Variants in TMEFF1 observed in about 807,000 individuals in gnomAD.
TMEFF1 encodes tomoregulin-1.
TMEFF1 carries 20 observed loss-of-function variants against 47.5 expected under a neutral mutation model. The observed-to-expected ratio is 0.42, with a 90% CI of 0.30 to 0.61. The LOEUF is 0.61. Ranked by LOEUF, TMEFF1 falls within the 20% of genes least tolerant of loss-of-function variation. The pLI is 0.19. For synonymous variants in TMEFF1, 162 were observed against 166.3 expected (o/e 0.97, Z 0.20); for missense variants, 411 against 471.1 (o/e 0.87, Z 1.18).
chr9:100,526,125 A>G (rs1197226280), intron 5 of TMEFF1, among the ~76,000 whole-genome samples: 2 of 152,190 alleles, frequency 1.3e-5, no homozygotes, highest in African/African-American at 4.8e-5. Flanking sequence ...CTGTGAGACA[A>G]ATTTCCCTGA....
intron 9 of TMEFF1, among the ~76,000 whole-genome samples, chr9:100,574,347 A>G (rs1255051398): frequency 6.6e-6 from 1 of 152,150 alleles, no homozygotes; most frequent in Non-Finnish European, 1.5e-5. Flanking sequence ...AGGCAGAAGG[A>G]AAATTAAGGT....
intron 5 of TMEFF1, among the ~76,000 whole-genome samples, chr9:100,540,113 C>A (rs1838601066): frequency 1.3e-5 from 2 of 151,646 alleles, no homozygotes; most frequent in South Asian, 4.2e-4. Flanking sequence ...GTCACCTACC[C>A]CATTAGCTAG....
chr9:100,548,991 CTA>C (rs773969623), intron 6 of TMEFF1, among the ~76,000 whole-genome samples: 6 of 152,130 alleles, frequency 3.9e-5, no homozygotes, highest in Non-Finnish European at 8.8e-5. Flanking sequence ...TAGAGAAGGA[CTA>C]TGTTCTCTGA....
intron 5 of TMEFF1, among the ~76,000 whole-genome samples, chr9:100,527,983 T>C (rs949058914): frequency 3.9e-5 from 6 of 152,056 alleles, no homozygotes; most frequent in African/African-American, 7.2e-5. Flanking sequence ...AGGGGCACAC[T>C]GACACCTCAC....
intron 7 of TMEFF1, among the ~76,000 whole-genome samples, chr9:100,555,686 T>C (rs1197374686): frequency 6.6e-6 from 1 of 152,236 alleles, no homozygotes; most frequent in Admixed American, 6.5e-5. Flanking sequence ...TTAATACTTT[T>C]GTTTCCTAGT....
intron 1 of TMEFF1, among the ~76,000 whole-genome samples, chr9:100,494,188 C>T (rs1332886875): frequency 9.1e-6 from 1 of 109,960 alleles, no homozygotes; most frequent in African/African-American, 3.6e-5. Context: ...GCCTGGGAAA[C>T]AGAGTGAGAC....
At position 100,576,526 on chromosome 9, in the gene TMEFF1, A is replaced by C. The variant is rs139218600; in HGVS notation, c.1069A>C (p.Lys357Gln). Reference sequence around the variant, plus strand: ...TTTTTAATGCAACAGAAAATGCCCCAAAAACAATAGAGGACGTCGACAGAA... The same window carrying C: ...TTTTTAATGCAACAGAAAATGCCCCCAAAACAATAGAGGACGTCGACAGAA... ...IVMCITRKCP[K>Q]NNRGRRQKQN... Residue 357 changes from lysine to glutamine, a missense_variant, in exon 10 of 10, where the codon AAA becomes CAA. Physicochemically the swap from Lys to Gln is moderately conservative, Grantham distance 53. Coordinates refer to ENST00000374879, the MANE Select transcript of TMEFF1 (RefSeq NM_003692.5). The C allele has an allele frequency of 1.6e-4, 252 of 1,609,928 alleles. No homozygotes were observed. The highest frequency in any genetic ancestry group is 1.9e-4 in the Non-Finnish European group (225 of 1,178,856).
At chr9:100,535,780 C>T (rs753547475) in intron 5 of TMEFF1, among the ~76,000 whole-genome samples, 1 of 152,118 alleles carries the variant, frequency 6.6e-6, no homozygotes, top group African/African-American at 2.4e-5. Context: ...CAAAACAAAA[C>T]TAAACTAACA....
chr9:100,561,260 C>T, intron 7 of TMEFF1, 137 bp from the exon 8 acceptor site: 2 of 1,436,432 alleles, frequency 1.4e-6, no homozygotes, highest in Non-Finnish European at 1.9e-6. Flanking sequence ...AACCCCCTAT[C>T]TGATAAATTT....
intron 9 of TMEFF1, among the ~76,000 whole-genome samples, chr9:100,574,883 G>A (rs566017384): frequency 3.3e-5 from 5 of 152,278 alleles, no homozygotes; most frequent in Admixed American, 3.3e-4. Context: ...CTGGCAGGCA[G>A]TTTTGAAGTA....
chr9:100,526,068 T>C (rs1376758143), intron 5 of TMEFF1, among the ~76,000 whole-genome samples: 1 of 152,248 alleles, frequency 6.6e-6, no homozygotes, highest in Non-Finnish European at 1.5e-5. Flanking sequence ...GTATTTTTAT[T>C]CCACACCTAA....
At chr9:100,539,622 C>G (rs1040974982) in intron 5 of TMEFF1, among the ~76,000 whole-genome samples, 3 of 152,108 alleles carry the variant, frequency 2.0e-5, no homozygotes, top group African/African-American at 7.2e-5. Context: ...CAGACCTTCG[C>G]GGTGAGTGTT....
chr9:100,488,271 C>T (rs1837487566), intron 1 of TMEFF1, among the ~76,000 whole-genome samples: 1 of 152,038 alleles, frequency 6.6e-6, no homozygotes, highest in Non-Finnish European at 1.5e-5. Flanking sequence ...CATATCACTA[C>T]ATGTGTTTCT....
intron 2 of TMEFF1, among the ~76,000 whole-genome samples, chr9:100,507,701 T>G (rs1229269584): frequency 6.6e-6 from 1 of 152,222 alleles, no homozygotes; most frequent in Non-Finnish European, 1.5e-5. Context: ...TGGAATTATT[T>G]GCCTTTTGCT....
At chr9:100,486,066 G>A (rs1341654844) in intron 1 of TMEFF1, among the ~76,000 whole-genome samples, 1 of 147,140 alleles carries the variant, frequency 6.8e-6, no homozygotes, top group African/African-American at 2.5e-5. Flanking sequence ...AATATTCTGA[G>A]TCTGTCTTTT....
chr9:100,527,121 C>T (rs565257142), intron 5 of TMEFF1, among the ~76,000 whole-genome samples: 5 of 151,210 alleles, frequency 3.3e-5, no homozygotes, highest in African/African-American at 9.7e-5. Context: ...CCAGCCTGGG[C>T]GACAGAGTGA....
chr9:100,481,516 G>T (rs1837337753), intron 1 of TMEFF1, among the ~76,000 whole-genome samples: 1 of 152,208 alleles, frequency 6.6e-6, no homozygotes, highest in Admixed American at 6.5e-5. Flanking sequence ...AAATTGCGGG[G>T]ATTAAGGCAG....
intron 9 of TMEFF1, among the ~76,000 whole-genome samples, chr9:100,575,681 TG>T (rs1245465800): frequency 6.6e-6 from 1 of 152,208 alleles, no homozygotes; most frequent in Admixed American, 6.5e-5. Flanking sequence ...AATTTCTTGC[TG>T]GCAGAGATTT....
chr9:100,543,746 C>G (rs993134980), intron 5 of TMEFF1, among the ~76,000 whole-genome samples: 1 of 147,658 alleles, frequency 6.8e-6, no homozygotes, highest in East Asian at 2.0e-4. Flanking sequence ...CACACACACA[C>G]AAATCTCATA....
Sources: gnomAD v4.1 joint callset for allele counts (sites outside exome capture counted in the v4.1 genomes callset) on GRCh38, gnomAD v4.1.1 for gene constraint, MANE v1.5 for transcripts, NCBI Gene and HGNC (gene_info 2026-07-23, HGNC 2026-07-21) for gene names.